The following AMZ1 variants were observed in gnomAD, a reference collection of about 807,000 sequenced individuals.
The protein encoded by AMZ1 is archaelysin family metallopeptidase 1.
Under a neutral mutation model 29.9 loss-of-function variants are expected in AMZ1, and 39 were observed. That is an observed-to-expected ratio of 1.30 (90% CI 1.01 to 1.70). AMZ1 has a LOEUF of 1.70. Ranked by LOEUF, AMZ1 falls within the 40% of genes most tolerant of loss-of-function variation. AMZ1 has a pLI of 0.00. For missense variants in AMZ1, 1,041 were observed against 680.6 expected (o/e 1.53, Z -5.89); for synonymous variants, 458 against 304.0 (o/e 1.51, Z -5.27).
intron 4 of AMZ1, among the ~76,000 whole-genome samples, chr7:2,744,669 C>G (rs750496876): frequency 2.6e-5 from 4 of 152,138 alleles, no homozygotes; most frequent in African/African-American, 7.2e-5. Context: ...GCTGGATGGA[C>G]AATGACTTTG....
In AMZ1 at chr7:2,717,722, C is replaced by CG. The variant is rs779194419; in HGVS notation, c.*4846dup. 5.3e-5 allele frequency among the ~76,000 whole-genome samples: 8 copies of CG among 152,140 alleles called. No homozygotes were observed. The highest frequency in any genetic ancestry group is 8.8e-5 in the Non-Finnish European group (6 of 68,032). ...GATGCAGATCGCGGGTGGAGACGGC[C>CG]GGCCGAGCCTTCCCTTTTCTGACAT... On this transcript the variant is annotated 3_prime_UTR_variant, in exon 7 of 7. Transcript: ENST00000683327.
intron 4 of AMZ1, among the ~76,000 whole-genome samples, chr7:2,755,508 A>G (rs1002844790): frequency 1.3e-5 from 2 of 152,202 alleles, no homozygotes; most frequent in African/African-American, 4.8e-5. Context: ...ATGACTGTTA[A>G]TGGTGTTGCA....
intron 4 of AMZ1, among the ~76,000 whole-genome samples, chr7:2,743,077 C>T (rs1790591271): frequency 1.3e-5 from 2 of 152,092 alleles, no homozygotes; most frequent in South Asian, 4.1e-4. Flanking sequence ...ACCAGGACTG[C>T]CAAGGGGTAA....
At chr7:2,762,988 G>C (rs574585717), upstream of AMZ1, 629 of 1,318,388 alleles carry the variant, frequency 4.8e-4, 1 homozygote, top group Admixed American at 8.2e-4. Context: ...GAGCCCTTGT[G>C]TGCTACTGTG....
At chr7:2,695,550 TA>T (rs1425426983) in intron 1 of AMZ1, among the ~76,000 whole-genome samples, 1 of 107,268 alleles carries the variant, frequency 9.3e-6, no homozygotes, top group Non-Finnish European at 1.9e-5. Flanking sequence ...GACTCTTCTC[TA>T]CAAAAAAAAA....
chr7:2,698,263 C>G (rs571082863), intron 1 of AMZ1, among the ~76,000 whole-genome samples: 2 of 152,062 alleles, frequency 1.3e-5, no homozygotes, highest in Non-Finnish European at 2.9e-5. Flanking sequence ...ACCAAACAGG[C>G]GTGGTGGCTC....
intron 4 of AMZ1, among the ~76,000 whole-genome samples, chr7:2,754,582 T>TAA (rs34822125): frequency 7.0e-6 from 1 of 143,516 alleles, no homozygotes; most frequent in Non-Finnish European, 1.5e-5. Context: ...ATCTCTACTT[T>TAA]AAAAAAAAAA....
chr7:2,680,681 A>G (rs1786849827), intron 1 of AMZ1, among the ~76,000 whole-genome samples: 1 of 152,220 alleles, frequency 6.6e-6, no homozygotes, highest in African/African-American at 2.4e-5. Context: ...TCTTGGACGA[A>G]GCCGCTGGGC....
intron 1 of AMZ1, 43 bp downstream of exon 1, chr7:2,688,339 G>C (rs1787174141): frequency 6.6e-6 from 1 of 151,640 alleles, no homozygotes; most frequent in African/African-American, 2.4e-5. Flanking sequence ...CAGGGACCGA[G>C]AGGGACCTCC....
intron 3 of AMZ1, among the ~76,000 whole-genome samples, chr7:2,706,034 C>A (rs1788334658): frequency 6.6e-6 from 1 of 152,248 alleles, no homozygotes; most frequent in Non-Finnish European, 1.5e-5. Context: ...GCTTAGTGGA[C>A]AAACTGCTGT....
chr7:2,741,225 C>A (rs1790485912), intron 4 of AMZ1, among the ~76,000 whole-genome samples: 1 of 152,120 alleles, frequency 6.6e-6, no homozygotes, highest in Admixed American at 6.5e-5. Flanking sequence ...TGGCGGCACG[C>A]ACACCTGTGG....
chr7:2,743,716 G>C (rs1434548359), intron 4 of AMZ1, among the ~76,000 whole-genome samples: 1 of 152,186 alleles, frequency 6.6e-6, no homozygotes, highest in Non-Finnish European at 1.5e-5. Flanking sequence ...AGCCGAAGCA[G>C]GGCGAGGCAC....
chr7:2,712,693 G>A lies in AMZ1; in HGVS notation c.1312G>A (p.Asp438Asn), dbSNP rs749021540. The A allele has an allele frequency of 7.4e-5, 120 of 1,612,062 alleles. No individual in the cohort carries two copies. Among genetic ancestry groups the A allele is most frequent in the Admixed American group, 4.5e-4 (27 of 59,854 alleles). The change falls in exon 7 of 7, where the codon GAC (aspartate) becomes AAC (asparagine). Residue 438 changes from aspartate (D) to asparagine (N), a missense_variant. Transcript: ENST00000683327. Reference protein sequence around the residue: ...VQVDRAVDALDRWEMFTGQLP... With the variant: ...VQVDRAVDALNRWEMFTGQLP... Reference sequence around the variant, plus strand: ...GGTGGACAGAGCCGTGGACGCCCTCGACCGCTGGGAGATGTTCACGGGCCA... The same window carrying A: ...GGTGGACAGAGCCGTGGACGCCCTCAACCGCTGGGAGATGTTCACGGGCCA...
chr7:2,717,649 T>C lies in AMZ1; in HGVS notation c.*4771T>C, dbSNP rs1789207931. Among the ~76,000 whole-genome samples, 1 of 152,146 alleles carries C rather than the reference T, an allele frequency of 6.6e-6. No homozygotes were observed. Among genetic ancestry groups the C allele is most frequent in the Non-Finnish European group, 1.5e-5 (1 of 68,028 alleles). On this transcript the variant is annotated 3_prime_UTR_variant, in exon 7 of 7. Coordinates refer to ENST00000683327, the MANE Select transcript of AMZ1 (RefSeq NM_001384743.1). Reference sequence around the variant, plus strand: ...ACCGCAGGGTAATCTAGGAAACACTTCCGGCTTGACTGTAAAGAGCCCTGG... The same window carrying C: ...ACCGCAGGGTAATCTAGGAAACACTCCCGGCTTGACTGTAAAGAGCCCTGG...
chr7:2,708,076 G>A (rs964368279), intron 3 of AMZ1, among the ~76,000 whole-genome samples: 1 of 151,954 alleles, frequency 6.6e-6, no homozygotes, highest in African/African-American at 2.4e-5. Context: ...GCCCATCTTG[G>A]CCTCCCGAGT....
intron 1 of AMZ1, among the ~76,000 whole-genome samples, chr7:2,690,208 T>TGAGA (rs140749105): frequency 2.0e-5 from 3 of 151,054 alleles, no homozygotes; most frequent in South Asian, 2.1e-4. Context: ...TGTGTGTGTG[T>TGAGA]GAGAGAGAGA....
chr7:2,708,015 G>A (rs779430918), intron 3 of AMZ1, among the ~76,000 whole-genome samples: 3 of 151,828 alleles, frequency 2.0e-5, no homozygotes, highest in Non-Finnish European at 4.4e-5. Context: ...TAGAGATGGG[G>A]TTTTGTCATG....
At chr7:2,732,217 C>A (rs1789932369) in intron 4 of AMZ1, among the ~76,000 whole-genome samples, 1 of 152,186 alleles carries the variant, frequency 6.6e-6, no homozygotes, top group Non-Finnish European at 1.5e-5. Context: ...TAGCGACACA[C>A]AGGCAAGCAT....
intron 4 of AMZ1, among the ~76,000 whole-genome samples, chr7:2,726,312 A>G (rs1236878043): frequency 1.3e-5 from 2 of 152,208 alleles, no homozygotes; most frequent in East Asian, 1.9e-4. Flanking sequence ...GTGAAATACA[A>G]TCCTCACCAC....
Sources: allele counts gnomAD v4.1 joint callset (sites outside exome capture counted in the v4.1 genomes callset), GRCh38; gene constraint gnomAD v4.1.1; transcripts MANE v1.5; gene names NCBI Gene and HGNC (gene_info 2026-07-23, HGNC 2026-07-21).